PPL: variants seen among roughly 807,000 people sequenced by gnomAD.
The protein encoded by PPL is 190 kDa paraneoplastic pemphigus antigen.
A neutral mutation model predicts 194.4 loss-of-function variants in PPL; 198 were observed. That is an observed-to-expected ratio of 1.02 (90% CI 0.91 to 1.15). The LOEUF (loss-of-function observed/expected upper bound fraction) is 1.15. PPL is among the 50% of genes most tolerant of loss of function. The pLI is 0.00. For missense variants in PPL, 2,885 were observed against 2,294.8 expected (o/e 1.26, Z -5.25); for synonymous variants, 1,220 against 972.4 (o/e 1.25, Z -4.74).
chr16:4,887,096 G>T (rs1567989426), intron 21 of PPL, 39 bp downstream of exon 21: 2 of 1,484,308 alleles, frequency 1.3e-6, no homozygotes, highest in Non-Finnish European at 1.9e-6. Flanking sequence ...TCACCTGTTA[G>T]AACAGCCTGA....
intron 8 of PPL, among the ~76,000 whole-genome samples, 174 bp from the exon 9 acceptor site, chr16:4,897,944 G>A (rs2088466669): frequency 6.6e-6 from 1 of 152,176 alleles, no homozygotes; most frequent in Non-Finnish European, 1.5e-5. Context: ...GGAGGAGAGA[G>A]GGGTCACGTC....
intron 16 of PPL, 37 bp downstream of exon 16, chr16:4,891,774 C>G (rs1567997250): frequency 1.3e-6 from 2 of 1,577,026 alleles, no homozygotes; most frequent in Non-Finnish European, 1.7e-6. Context: ...CTCACCTGCT[C>G]AGAGAAGGAC....
At chr16:4,934,745 AC>A (rs1233436929) in intron 1 of PPL, among the ~76,000 whole-genome samples, 1 of 151,354 alleles carries the variant, frequency 6.6e-6, no homozygotes, top group Non-Finnish European at 1.5e-5. Flanking sequence ...TGTCCCCTCC[AC>A]CCCCCCACCA....
chr16:4,911,929 T>C (rs1055799606), intron 1 of PPL, among the ~76,000 whole-genome samples: 3 of 151,952 alleles, frequency 2.0e-5, no homozygotes, highest in Middle Eastern at 3.4e-3. Context: ...CTCGAACTCC[T>C]GAGCTCAAGC....
At position 4,884,547 on chromosome 16, in the gene PPL, C is replaced by CCTTGG. The variant is rs2088176266; in HGVS notation, c.4107_4108insCCAAG (p.Ala1370ProfsTer39). On this transcript the variant is annotated frameshift_variant, in exon 22 of 22. Coordinates refer to ENST00000345988, the MANE Select transcript of PPL (RefSeq NM_002705.5). LOFTEE classifies it high-confidence loss of function. This position sits in a 1 kb window ranked among gnomAD's most constrained non-coding sequence, Gnocchi z 5.7. ...TCCACATCGATGCTCTCGGCAAAGG[C>CCTTGG]GCTCGCCTCGGCCCGCAGGCCTGGC... 6.2e-7 allele frequency: 1 copy of CCTTGG among 1,613,326 alleles called. No homozygotes were observed. The highest frequency in any genetic ancestry group is 1.1e-5 in the South Asian group (1 of 91,072).
chr16:4,929,444 C>T (rs930034279), intron 1 of PPL, among the ~76,000 whole-genome samples: 10 of 152,244 alleles, frequency 6.6e-5, no homozygotes, highest in Non-Finnish European at 1.2e-4. Context: ...CACGCCAGCT[C>T]GCCTTCTCTA....
In PPL at chr16:4,885,045, C is replaced by T; in HGVS notation, c.3610G>A (p.Gly1204Ser). 1 of 1,613,666 alleles carries T rather than the reference C, an allele frequency of 6.2e-7. No individual in the cohort carries two copies. The highest frequency in any genetic ancestry group is 8.5e-7 in the Non-Finnish European group (1 of 1,180,034). ...TAGCTCCGGAGCTGCTCCTCGGCAC[C>T]CCGGTACTTTCGCTCCTGCTCCACA... is the stretch of plus-strand genomic sequence containing the variant. The part of the protein sequence containing the change: ...ELVEQERKYR[G>S]AEEQLRSYQS... Residue 1204 changes from glycine (G) to serine (S), a missense_variant, in exon 22 of 22, where the codon GGT becomes AGT. By Grantham distance (56) the Gly-to-Ser change is moderately conservative. Coordinates refer to ENST00000345988, the MANE Select transcript of PPL (RefSeq NM_002705.5). This position sits in a 1 kb window ranked among gnomAD's most constrained non-coding sequence, Gnocchi z 6.3.
chr16:4,930,099 A>G (rs2089208424), intron 1 of PPL, among the ~76,000 whole-genome samples: 1 of 152,154 alleles, frequency 6.6e-6, no homozygotes, highest in African/African-American at 2.4e-5. Context: ...TCCTTCATCA[A>G]CTTGCTTTGC....
At chr16:4,921,044 G>C (rs1481245812) in intron 1 of PPL, among the ~76,000 whole-genome samples, 2 of 152,194 alleles carry the variant, frequency 1.3e-5, no homozygotes, top group Non-Finnish European at 2.9e-5. Context: ...TGCTAGATGG[G>C]TTTTGCAAGC....
At chr16:4,888,037 C>T (rs1007348116) in intron 20 of PPL, 65 bp downstream of exon 20, 13 of 1,192,230 alleles carry the variant, frequency 1.1e-5, no homozygotes, top group Non-Finnish European at 1.5e-5. Flanking sequence ...ACACCATGCT[C>T]CCTGGGGAGC....
chr16:4,926,921 G>T (rs1179515003), intron 1 of PPL, among the ~76,000 whole-genome samples: 7 of 135,140 alleles, frequency 5.2e-5, no homozygotes, highest in African/African-American at 1.6e-4. Flanking sequence ...AAAGATTTTA[G>T]ATCACTTACA....
intron 1 of PPL, among the ~76,000 whole-genome samples, chr16:4,911,566 A>G (rs1320508866): frequency 6.6e-6 from 1 of 152,122 alleles, no homozygotes; most frequent in East Asian, 1.9e-4. Context: ...ACGGAGTCTC[A>G]CACTCTTGCC....
At position 4,883,543 on chromosome 16, in the gene PPL, A is replaced by G. The variant is rs753153290; in HGVS notation, c.5112T>C (p.Asn1704=). 1.9e-6 allele frequency: 3 copies of G among 1,614,106 alleles called. No individual in the cohort carries two copies. The highest frequency in any genetic ancestry group is 2.5e-6 in the Non-Finnish European group (3 of 1,180,016). The change falls in exon 22 of 22, where the codon AAT becomes AAC. Residue 1704 remains asparagine, a synonymous_variant. Transcript: ENST00000345988. This position sits in a 1 kb window ranked among gnomAD's most constrained non-coding sequence, Gnocchi z 4.8. ...DWEEISVKGP[N]GESSVIHDRK... ...TGTCGTGTATCACTGAGGACTCCCC[A>G]TTGGGACCCTTCACTGAGATCTCCT...
In PPL at chr16:4,900,971, C is replaced by T. The variant is rs763746110; in HGVS notation, c.557G>A (p.Gly186Glu). Reference sequence around the variant, plus strand: ...CACCAGCACACGCCCCACCTTGTCCCCGTCCTTGGCCAGGTGGGGCCCGAT... The same window carrying T: ...CACCAGCACACGCCCCACCTTGTCCTCGTCCTTGGCCAGGTGGGGCCCGAT... ...KAIGPHLAKD[G>E]DKEQNSELRA... The change falls in exon 5 of 22, where the codon GGG (glycine) becomes GAG (glutamate). Residue 186 changes from glycine to glutamate, a missense_variant. By Grantham distance (98) the Gly-to-Glu change is moderately conservative. Transcript: ENST00000345988. 6.2e-7 allele frequency: 1 copy of T among 1,614,158 alleles called. No homozygotes were observed. Among genetic ancestry groups the T allele is most frequent in the South Asian group, 1.1e-5 (1 of 91,086 alleles).
chr16:4,891,638 G>A (rs961652653), intron 16 of PPL, 173 bp downstream of exon 16: 13 of 750,934 alleles, frequency 1.7e-5, no homozygotes, highest in Admixed American at 5.9e-5. Flanking sequence ...CACAGATCCC[G>A]TGAATAGCTT....
At chr16:4,924,937 T>C (rs1285547785) in intron 1 of PPL, among the ~76,000 whole-genome samples, 2 of 152,206 alleles carry the variant, frequency 1.3e-5, no homozygotes, top group African/African-American at 2.4e-5. Context: ...AACTGCTGTG[T>C]CCCCTGCTGG....
At chr16:4,910,731 T>C in intron 2 of PPL, 119 bp downstream of exon 2, 1 of 893,258 alleles carries the variant, frequency 1.1e-6, no homozygotes, top group Non-Finnish European at 1.8e-6. Flanking sequence ...TGTCTCTGCA[T>C]GTTCCCTCGG....
rs776208234 is a variant in PPL at position 4,895,270 on chromosome 16, C to A, written c.1233G>T (p.Glu411Asp). 11 of 1,605,278 alleles carry A rather than the reference C, an allele frequency of 6.9e-6. No individual in the cohort carries two copies. Among genetic ancestry groups the A allele is most frequent in the African/African-American group, 1.3e-5 (1 of 74,594 alleles). ...PIPVEALCDFEGEQGLISRGY... is the reference protein window; with the variant it reads ...PIPVEALCDFDGEQGLISRGY... ...AGCTGGCCCCACGCACCTGCTCCCC[C>A]TCAAAGTCACAGAGTGCCTCCACGG... The change falls in exon 11 of 22, where the codon GAG becomes GAT. Residue 411 changes from glutamate to aspartate, a missense_variant. Physicochemically the swap from Glu to Asp is conservative, Grantham distance 45 (BLOSUM62 2). Coordinates refer to ENST00000345988, the MANE Select transcript of PPL (RefSeq NM_002705.5).
chr16:4,905,309 A>G lies in PPL; in HGVS notation c.163-1269T>C, dbSNP rs1047025821. ...TGCTCCATCTGAACAAGCCTGGAAG[A>G]CGTTATTCAAAGGCAAAGAAGCCAG... On this transcript the variant is annotated intron_variant, in intron 2 of 21. Coordinates refer to ENST00000345988, the MANE Select transcript of PPL (RefSeq NM_002705.5). Among the ~76,000 whole-genome samples, 3 of 152,218 alleles carry G rather than the reference A, an allele frequency of 2.0e-5. No homozygotes were observed. The East Asian group carries it at 5.8e-4, about 29-fold the overall frequency.
Sources: allele counts gnomAD v4.1 joint callset (sites outside exome capture counted in the v4.1 genomes callset), GRCh38; gene constraint gnomAD v4.1.1; non-coding constraint Gnocchi (gnomAD v3.1); transcripts MANE v1.5; gene names NCBI Gene and HGNC (gene_info 2026-07-23, HGNC 2026-07-21).